TLE1: variants seen among roughly 807,000 people sequenced by gnomAD.
TLE1 encodes the protein TLE family member 1, transcriptional corepressor.
Under a neutral mutation model 89.8 loss-of-function variants are expected in TLE1, and 21 were observed. The ratio of observed to expected loss-of-function variants is 0.23; its 90% CI spans 0.17 to 0.34. The LOEUF (loss-of-function observed/expected upper bound fraction) is 0.34, where lower values mean the gene tolerates loss of function less well. Ranked by LOEUF, TLE1 falls within the 10% of genes least tolerant of loss-of-function variation. The pLI is 1.00. For missense variants in TLE1, 795 were observed against 1,031.2 expected (o/e 0.77, Z 3.14); for synonymous variants, 447 against 407.6 (o/e 1.10, Z -1.16).
chr9:81,586,052 C>G (rs1042705733), intron 17 of TLE1, among the ~76,000 whole-genome samples: 4 of 137,264 alleles, frequency 2.9e-5, no homozygotes, highest in African/African-American at 8.2e-5. Flanking sequence ...GAGTCTTGCT[C>G]TGTCGCCCAG....
At chr9:81,641,346 T>A (rs1305050453) in intron 6 of TLE1, among the ~76,000 whole-genome samples, 1 of 152,118 alleles carries the variant, frequency 6.6e-6, no homozygotes, top group Non-Finnish European at 1.5e-5. Flanking sequence ...GTGAATGGCC[T>A]CTCACGTAAA....
intron 13 of TLE1, 125 bp downstream of exon 13, chr9:81,611,644 C>T (rs112325064): frequency 4.3e-5 from 40 of 940,328 alleles, no homozygotes; most frequent in Admixed American, 1.3e-4. Context: ...TCTTTGTCTC[C>T]GAGGTGTGTG....
intron 8 of TLE1, among the ~76,000 whole-genome samples, chr9:81,627,523 C>G (rs1826051504): frequency 6.6e-6 from 1 of 152,146 alleles, no homozygotes; most frequent in Non-Finnish European, 1.5e-5. Flanking sequence ...CTATTCACAG[C>G]AGTGATGCCA....
rs1464672354 is a variant in TLE1 at position 81,688,455 on chromosome 9, C to T, written c.-215G>A. The T allele has an allele frequency of 6.3e-6, 3 of 478,604 alleles. No homozygotes were observed. The highest frequency in any genetic ancestry group is 4.6e-5 in the South Asian group (1 of 21,700). The allele number at this position is 478,604 out of a possible 1,614,324, so 29.6% of individuals were successfully genotyped here. A position where few individuals can be genotyped will look rare whatever the true frequency, so the allele number is the denominator to read the frequency against. Reference sequence around the variant, plus strand: ...TCGGTGCGGGCTCCGGCCCTCAGGGCCACATTAGTGGGCGCCCCAGGCCCA... The same window carrying T: ...TCGGTGCGGGCTCCGGCCCTCAGGGTCACATTAGTGGGCGCCCCAGGCCCA... On this transcript the variant is annotated 5_prime_UTR_variant, in exon 1 of 20. An upstream open reading frame in the 5' UTR gains an earlier in-frame stop. Coordinates refer to ENST00000376499, the MANE Select transcript of TLE1 (RefSeq NM_005077.5).
chr9:81,638,576 T>C (rs1326522165), intron 6 of TLE1, among the ~76,000 whole-genome samples: 1 of 152,198 alleles, frequency 6.6e-6, no homozygotes, highest in African/African-American at 2.4e-5. Flanking sequence ...GTGATACTGA[T>C]ACTACTATAT....
At chr9:81,596,373 G>A (rs192606663) in intron 14 of TLE1, among the ~76,000 whole-genome samples, 160 of 152,268 alleles carry the variant, frequency 1.1e-3, no homozygotes, top group Admixed American at 0.01. Flanking sequence ...GTGCTGGAGA[G>A]CCAAATCAAA....
chr9:81,613,263 G>C, intron 12 of TLE1, 114 bp downstream of exon 12: 1 of 1,385,908 alleles, frequency 7.2e-7, no homozygotes, highest in Non-Finnish European at 9.7e-7. Flanking sequence ...GAAGGAGGGT[G>C]GCCCTACGTA....
chr9:81,602,296 G>A (rs943890429), intron 14 of TLE1, among the ~76,000 whole-genome samples: 1 of 152,160 alleles, frequency 6.6e-6, no homozygotes, highest in African/African-American at 2.4e-5. Context: ...GGGCCTTGAA[G>A]GGCACGTCGG....
chr9:81,635,566 G>A (rs1032891117), intron 6 of TLE1, among the ~76,000 whole-genome samples: 3 of 152,180 alleles, frequency 2.0e-5, no homozygotes, highest in African/African-American at 7.2e-5. Context: ...TGATGAGACA[G>A]TAAAAATGAT....
intron 4 of TLE1, among the ~76,000 whole-genome samples, chr9:81,660,976 C>CAT (rs1554693432): frequency 1.3e-4 from 14 of 105,288 alleles, no homozygotes; most frequent in Non-Finnish European, 2.6e-4. Flanking sequence ...CACACACACA[C>CAT]ACATTTAGCC....
intron 17 of TLE1, 58 bp from the exon 18 acceptor site, chr9:81,585,713 G>C: frequency 1.3e-6 from 2 of 1,583,770 alleles, no homozygotes; most frequent in Non-Finnish European, 1.7e-6. Flanking sequence ...AGGAAGGGAA[G>C]ACGCAATGTG....
rs571861049 is a variant in TLE1, at chr9:81,679,651, G to A, written c.234+6025C>T. Among the ~76,000 whole-genome samples, 18 of 152,096 alleles carry A rather than the reference G, an allele frequency of 1.2e-4. No homozygotes were observed. In the South Asian group the frequency reaches 2.3e-3, roughly 19 times the overall value. Reference sequence around the variant, plus strand: ...CCTATTCTTGTCAAATAAGCCCACCGACAGAAACAGCTGTCTAAAATTTAC... The same window carrying A: ...CCTATTCTTGTCAAATAAGCCCACCAACAGAAACAGCTGTCTAAAATTTAC... On this transcript the variant is annotated intron_variant, in intron 4 of 19. Transcript: ENST00000376499.
intron 2 of TLE1, 99 bp downstream of exon 2, chr9:81,687,235 T>G: frequency 1.0e-6 from 1 of 961,328 alleles, no homozygotes. Flanking sequence ...CGCCACCGCC[T>G]GGACGCAAGA....
At chr9:81,664,897 G>A (rs1831267027) in intron 4 of TLE1, among the ~76,000 whole-genome samples, 1 of 152,082 alleles carries the variant, frequency 6.6e-6, no homozygotes, top group African/African-American at 2.4e-5. Flanking sequence ...AAGTTCCCAG[G>A]TGACCCTGAG....
At chr9:81,636,577 G>A (rs773326859) in intron 6 of TLE1, among the ~76,000 whole-genome samples, 7 of 152,078 alleles carry the variant, frequency 4.6e-5, no homozygotes, top group Non-Finnish European at 8.8e-5. Context: ...GGTGGAGGAT[G>A]CCACCCTCTC....
At chr9:81,657,740 A>T (rs1830310776) in intron 4 of TLE1, among the ~76,000 whole-genome samples, 3 of 152,080 alleles carry the variant, frequency 2.0e-5, no homozygotes, top group Admixed American at 2.0e-4. Context: ...CTTTATATAA[A>T]ATGGTGTATT....
At chr9:81,640,779 C>T (rs930967426) in intron 6 of TLE1, among the ~76,000 whole-genome samples, 2 of 152,204 alleles carry the variant, frequency 1.3e-5, no homozygotes, top group Non-Finnish European at 2.9e-5. Flanking sequence ...AGTTTCTACA[C>T]ACAGTCACAG....
chr9:81,589,690 G>A (rs2796465), intron 16 of TLE1, among the ~76,000 whole-genome samples: 26,114 of 152,164 alleles, frequency 0.17, 2,869 homozygotes, highest in Middle Eastern at 0.31. Flanking sequence ...GACGTTATGA[G>A]AACTAAGTGG....
chr9:81,652,106 TACAC>T (rs3045544), intron 6 of TLE1, 104 bp downstream of exon 6: 3,161 of 691,334 alleles, frequency 4.6e-3, no homozygotes, highest in South Asian at 7.2e-3. Context: ...AACGTTAAGA[TACAC>T]ACACACACAC....
Sources: gnomAD v4.1 joint callset for allele counts (sites outside exome capture counted in the v4.1 genomes callset) on GRCh38, gnomAD v4.1.1 for gene constraint, MANE v1.5 for transcripts, NCBI Gene and HGNC (gene_info 2026-07-23, HGNC 2026-07-21) for gene names.